PARVB: variants seen among roughly 807,000 people sequenced by gnomAD.
PARVB encodes the protein beta-parvin.
Under a neutral mutation model 47.0 loss-of-function variants are expected in PARVB, and 46 were observed. The ratio of observed to expected loss-of-function variants is 0.98; its 90% confidence interval spans 0.77 to 1.25. PARVB has a LOEUF of 1.25. Ranked by LOEUF, PARVB falls within the 50% of genes most tolerant of loss-of-function variation. PARVB has a pLI of 0.00. For synonymous variants in PARVB, 196 were observed against 196.3 expected, an observed-to-expected ratio of 1.00 and a Z score of 0.01; for missense variants, 473 against 471.6, an observed-to-expected ratio of 1.00 and a Z score of -0.03.
chr22:44,159,341 A>G (rs1354048714), intron 11 of PARVB, among the ~76,000 whole-genome samples: 1 of 152,356 alleles, frequency 6.6e-6, no homozygotes, highest in Non-Finnish European at 1.5e-5. Context: ...TTCCAAGACA[A>G]GGCTTTGTAC....
intron 1 of PARVB, among the ~76,000 whole-genome samples, chr22:44,032,845 C>G (rs2050849360): frequency 6.6e-6 from 1 of 152,126 alleles, no homozygotes; most frequent in African/African-American, 2.4e-5. Context: ...GACCAGTCAG[C>G]CACACTACCA....
At chr22:44,058,497 C>G (rs1030980038) in intron 1 of PARVB, among the ~76,000 whole-genome samples, 1 of 151,972 alleles carries the variant, frequency 6.6e-6, no homozygotes, top group African/African-American at 2.4e-5. Flanking sequence ...TGCAAAGACC[C>G]TGTTTCCAAA....
intron 7 of PARVB, among the ~76,000 whole-genome samples, chr22:44,138,245 C>T (rs2053480177): frequency 6.6e-6 from 1 of 152,196 alleles, no homozygotes; most frequent in Non-Finnish European, 1.5e-5. Flanking sequence ...TACAGTCTAA[C>T]ACAGGGGCTT....
chr22:44,089,418 A>G lies in PARVB; in HGVS notation c.113-4510A>G, dbSNP rs2052109264. 4 of 152,342 alleles carry G rather than the reference A, an allele frequency of 2.6e-5. No homozygotes were observed. Among genetic ancestry groups the G allele is most frequent in the Admixed American group, 6.5e-5 (1 of 15,282 alleles). The allele number at this position is 152,342 out of a possible 1,614,324, so 9.4% of individuals were successfully genotyped here. Reference sequence around the variant, plus strand: ...AGACACTGAGAGAATGCATGCCAGCATGCCTGTGCCAGCGCGCCTGTGCCA... The same window carrying G: ...AGACACTGAGAGAATGCATGCCAGCGTGCCTGTGCCAGCGCGCCTGTGCCA... On this transcript the variant is annotated intron_variant, in intron 1 of 12. Transcript: ENST00000338758. This position sits in a 1 kb window ranked among gnomAD's most constrained non-coding sequence, Gnocchi z 4.0.
At chr22:44,011,375 G>A (rs1051366248) in intron 2 of PARVB, among the ~76,000 whole-genome samples, 4 of 152,128 alleles carry the variant, frequency 2.6e-5, no homozygotes, top group Admixed American at 2.6e-4. Flanking sequence ...CACTTTGGGA[G>A]GCTGAGGCAG....
At chr22:44,064,465 C>G (rs751041238) in intron 1 of PARVB, among the ~76,000 whole-genome samples, 1 of 152,188 alleles carries the variant, frequency 6.6e-6, no homozygotes, top group African/African-American at 2.4e-5. Flanking sequence ...TGATGCTTCA[C>G]GTCCTTGGAG....
At chr22:44,078,767 C>T (rs1189193489) in intron 1 of PARVB, among the ~76,000 whole-genome samples, 1 of 152,162 alleles carries the variant, frequency 6.6e-6, no homozygotes, top group Non-Finnish European at 1.5e-5. Context: ...CTCTGTCGCC[C>T]AGGCTGGAGT....
At chr22:44,116,561 C>G (rs1299619483) in intron 3 of PARVB, among the ~76,000 whole-genome samples, 1 of 152,266 alleles carries the variant, frequency 6.6e-6, no homozygotes, top group African/African-American at 2.4e-5. Context: ...TTCACCACAT[C>G]CTTACAGAGC....
intron 1 of PARVB, among the ~76,000 whole-genome samples, chr22:44,040,930 A>G (rs1267002480): frequency 6.6e-6 from 1 of 151,794 alleles, no homozygotes; most frequent in Non-Finnish European, 1.5e-5. Context: ...GTGAACCCGG[A>G]AGGCAGAGCT....
chr22:44,113,437 G>A lies in PARVB; in HGVS notation c.274-5601G>A, dbSNP rs1179328238. 2 of 63,638 alleles carry A rather than the reference G, an allele frequency of 3.1e-5. 1 individual carries two copies. Among genetic ancestry groups the A allele is most frequent in the Non-Finnish European group, 5.7e-5 (2 of 34,928 alleles). 3.9% of individuals were successfully genotyped at this position (63,638 alleles called of 1,614,324 possible). On this transcript the variant is annotated intron_variant, in intron 3 of 12. Coordinates refer to ENST00000338758, the MANE Select transcript of PARVB (RefSeq NM_013327.5). ...ATACATTGTTACTAAATAAGGCCCT[G>A]TACCAACACAGATACATTGTTACTA... is the stretch of plus-strand genomic sequence containing the variant.
rs1445924688 is a variant in PARVB, at chr22:44,170,808, T to A, written c.*2130T>A. 2 of 152,252 alleles carry A rather than the reference T, an allele frequency of 1.3e-5. No homozygotes were observed. The allele number at this position is 152,252 out of a possible 1,614,324, so 9.4% of individuals were successfully genotyped here. ...GTGAGCCTGGCCTTTCTGATCTTGT[T>A]AGCTTTTTGTCTTCCTGCCGCAGAT... On this transcript the variant is annotated 3_prime_UTR_variant, in exon 13 of 13. Transcript: ENST00000338758.
At position 44,140,142 on chromosome 22, in the gene PARVB, C is replaced by A; in HGVS notation, c.711C>A (p.Phe237Leu). Reference sequence around the variant, plus strand: ...TTTGCAGGATGATGATGGGCCGGTTCGGTAAGTAACCCCAGGGAAAGTGGG... The same window carrying A: ...TTTGCAGGATGATGATGGGCCGGTTAGGTAAGTAACCCCAGGGAAAGTGGG... ...TTTTEMMMGR[F>L]ERDAFDTLFD... Residue 237 changes from phenylalanine (F) to leucine (L), a missense_variant and splice_region_variant, in exon 8 of 13, where the codon TTC (phenylalanine) becomes TTA (leucine). Transcript: ENST00000338758. 6.4e-7 allele frequency: 1 copy of A among 1,571,948 alleles called. No homozygotes were observed. Among genetic ancestry groups the A allele is most frequent in the African/African-American group, 1.6e-5 (1 of 64,314 alleles).
At position 44,163,927 on chromosome 22, in the gene PARVB, G is replaced by A. The variant is rs139050289; in HGVS notation, c.1015G>A (p.Glu339Lys). 26 of 1,608,754 alleles carry A rather than the reference G, an allele frequency of 1.6e-5. No individual in the cohort carries two copies. Among genetic ancestry groups the A allele is most frequent in the Non-Finnish European group, 2.1e-5 (25 of 1,177,454 alleles). Residue 339 changes from glutamate to lysine, a missense_variant, in exon 12 of 13, where the codon GAA becomes AAA. By Grantham distance (56) the Glu-to-Lys change is moderately conservative (BLOSUM62 1). Coordinates refer to ENST00000338758, the MANE Select transcript of PARVB (RefSeq NM_013327.5). ...CCTCAAGAAACCCAAGGCTCGTCCT[G>A]AAGGTAATGCCCCTGGCTCAGGTTC... ...GGLKKPKARP[E>K]DVVNLDLKST...
At chr22:44,132,795 G>T (rs943846291) in intron 5 of PARVB, 99 bp from the exon 6 acceptor site, 2 of 723,032 alleles carry the variant, frequency 2.8e-6, no homozygotes, top group South Asian at 1.7e-5. Context: ...TCTCGCTGGG[G>T]TCTCATTTAG....
At position 44,140,229 on chromosome 22, in the gene PARVB, A is replaced by T; in HGVS notation, c.712+86A>T. Reference sequence around the variant, plus strand: ...CCAGAGAGTGTACATGGTTATCTGGAGGGAGTGGGAAACTAGATGGGTCTC... The same window carrying T: ...CCAGAGAGTGTACATGGTTATCTGGTGGGAGTGGGAAACTAGATGGGTCTC... On this transcript the variant is annotated intron_variant, in intron 8 of 12. Coordinates refer to ENST00000338758, the MANE Select transcript of PARVB (RefSeq NM_013327.5). The T allele has an allele frequency of 2.2e-6, 3 of 1,378,954 alleles. No homozygotes were observed. The Admixed American group carries it at 5.0e-5, about 23-fold the overall frequency. 85.4% of individuals were successfully genotyped at this position (1,378,954 alleles called of 1,614,324 possible).
rs891310085 is a variant in PARVB, at chr22:44,033,361, A to G, written c.112+8910A>G. 4.6e-5 allele frequency among the ~76,000 whole-genome samples: 7 copies of G among 152,160 alleles called. No homozygotes were observed. The East Asian group carries it at 1.2e-3, about 25-fold the overall frequency. ...CCGGCCCCCAATACTTTTTTGAGGTATACTTGGCTGAGTAACTGTTTAGCG... is the reference window on the plus strand; with the variant it reads ...CCGGCCCCCAATACTTTTTTGAGGTGTACTTGGCTGAGTAACTGTTTAGCG... On this transcript the variant is annotated intron_variant, in intron 1 of 12. Coordinates refer to ENST00000338758, the MANE Select transcript of PARVB (RefSeq NM_013327.5).
At chr22:44,076,088 C>T (rs1443840341) in intron 1 of PARVB, among the ~76,000 whole-genome samples, 1 of 152,224 alleles carries the variant, frequency 6.6e-6, no homozygotes, top group Non-Finnish European at 1.5e-5. Context: ...GGAAGGAGGA[C>T]CGCCTGCCTC....
Position 44,049,424 on chromosome 22 carries a change from C to T in PARVB, c.112+24973C>T, listed in dbSNP as rs535290427. Among the ~76,000 whole-genome samples the T allele has an allele frequency of 6.6e-4, 101 of 152,276 alleles. No individual in the cohort carries two copies. Among genetic ancestry groups the T allele is most frequent in the African/African-American group, 2.3e-3 (97 of 41,566 alleles). On this transcript the variant is annotated intron_variant, in intron 1 of 12. Coordinates refer to ENST00000338758, the MANE Select transcript of PARVB (RefSeq NM_013327.5). The surrounding 1 kb of genome is among the most constrained non-coding windows in gnomAD (Gnocchi z 4.0). ...CTCCTGTCTGATTAAATTTGAGGTT[C>T]GTTTCTCAAGTTTAGCTCTTGTCTG...
intron 1 of PARVB, among the ~76,000 whole-genome samples, chr22:44,067,817 G>A (rs757296273): frequency 6.6e-6 from 1 of 152,240 alleles, no homozygotes; most frequent in Non-Finnish European, 1.5e-5. Flanking sequence ...CTGCATTAGT[G>A]CTGGGGACTC....
Sources: allele counts gnomAD v4.1 joint callset (sites outside exome capture counted in the v4.1 genomes callset), GRCh38; gene constraint gnomAD v4.1.1; non-coding constraint Gnocchi (gnomAD v3.1); transcripts MANE v1.5; gene names NCBI Gene and HGNC (gene_info 2026-07-23, HGNC 2026-07-21).